The following RRN3 variants were observed in gnomAD, a reference collection of about 807,000 sequenced individuals.
RRN3 encodes RNA polymerase I-specific transcription initiation factor RRN3.
Under a neutral mutation model 82.3 loss-of-function variants are expected in RRN3, and 38 were observed. The observed-to-expected ratio is 0.46, with a 90% confidence interval of 0.36 to 0.61. The LOEUF is 0.61. RRN3 is among the 20% of genes least tolerant of loss of function. The pLI, the probability that RRN3 is intolerant of heterozygous loss-of-function variation, is 0.00. For synonymous variants in RRN3, 284 were observed against 284.3 expected (o/e 1.00, Z 0.01); for missense variants, 726 against 793.1 (o/e 0.92, Z 1.02).
rs1292835318 is a variant in RRN3 at position 15,076,592 on chromosome 16, C to A, written c.824G>T (p.Gly275Val). ...CAATCCTTCCGTGGAATCTGTCCCA[C>A]CACAAGTTTGAGTTGCTGTTTCTTC... ...DAEETATQTC[G>V]GTDSTEGLFN... is the part of the protein sequence containing the mutation. The change falls in exon 10 of 18, where the codon GGT becomes GTT. Residue 275 changes from glycine to valine, a missense_variant. Gly to Val is a moderately radical substitution (Grantham distance 109). Around this residue, in one of 4 missense-constraint regions of RRN3, gnomAD observed 344 missense variants for 394.5 expected, o/e 0.87. Transcript: ENST00000198767. 2.9e-5 allele frequency: 47 copies of A among 1,613,248 alleles called. No homozygotes were observed. The highest frequency in any genetic ancestry group is 5.0e-5 in the Admixed American group (3 of 59,992).
At chr16:15,064,633 T>G (rs974302209) in intron 16 of RRN3, among the ~76,000 whole-genome samples, 6 of 152,150 alleles carry the variant, frequency 3.9e-5, no homozygotes, top group African/African-American at 1.4e-4. Flanking sequence ...TAAATAACAG[T>G]TTAAAGAAAA....
Position 15,061,738 on chromosome 16 carries a change from C to G in RRN3, c.*6G>C, listed in dbSNP as rs2044719583. 6.2e-7 allele frequency: 1 copy of G among 1,602,688 alleles called. No individual in the cohort carries two copies. The highest frequency in any genetic ancestry group is 1.3e-5 in the African/African-American group (1 of 74,782). ...AATGTCACATCTCAGTCACAAATTT[C>G]TGCCGTCAGAGGGGACTGGGTTGCA... On this transcript the variant is annotated 3_prime_UTR_variant, in exon 18 of 18. Coordinates refer to ENST00000198767, the MANE Select transcript of RRN3 (RefSeq NM_018427.5).
chr16:15,077,865 T>C (rs2045532059), intron 9 of RRN3, among the ~76,000 whole-genome samples: 1 of 152,068 alleles, frequency 6.6e-6, no homozygotes, highest in African/African-American at 2.4e-5. Flanking sequence ...AACATCTCTT[T>C]TTCTTCCCAG....
chr16:15,080,178 A>C, intron 8 of RRN3, 82 bp from the exon 9 acceptor site: 1 of 1,474,922 alleles, frequency 6.8e-7, no homozygotes, highest in Non-Finnish European at 9.0e-7. Flanking sequence ...CAATTACATG[A>C]CCTTTAGTTT....
At chr16:15,068,040 T>C (rs1236805731) in intron 15 of RRN3, 129 bp downstream of exon 15, 5 of 800,246 alleles carry the variant, frequency 6.2e-6, no homozygotes, top group East Asian at 2.7e-5. Context: ...AGATTACAGG[T>C]GTCAGCCACC....
rs551598899 is a variant in RRN3 at position 15,083,868 on chromosome 16, C to T, written c.597-286G>A. 22 of 302,582 alleles carry T rather than the reference C, an allele frequency of 7.3e-5. 1 individual carries two copies. The highest frequency in any genetic ancestry group is 6.9e-4 in the South Asian group (21 of 30,266). The allele number at this position is 302,582 out of a possible 1,614,324, so 18.7% of individuals were successfully genotyped here. ...AACAGCTGGGATTACAGGCATGCGC[C>T]ACCATGCCCAGCTAATTTTGTATTT... is the stretch of plus-strand genomic sequence containing the variant. On this transcript the variant is annotated intron_variant, in intron 7 of 17. Transcript: ENST00000198767.
rs1347327779 is a variant in RRN3, at chr16:15,060,557, A to C, written c.*1187T>G. 1 of 153,800 alleles carries C rather than the reference A, an allele frequency of 6.5e-6. No homozygotes were observed. The highest frequency in any genetic ancestry group is 6.5e-5 in the Admixed American group (1 of 15,302). 9.5% of individuals were successfully genotyped at this position (153,800 alleles called of 1,614,324 possible). On this transcript the variant is annotated 3_prime_UTR_variant, in exon 18 of 18. Transcript: ENST00000198767. ...TATGCTTAAAGATGGCCATTTTCAC[A>C]AGTAAACAAAAAAGTACACATGTAA...
intron 8 of RRN3, among the ~76,000 whole-genome samples, chr16:15,081,772 C>T (rs756362026): frequency 4.6e-5 from 7 of 152,140 alleles, no homozygotes; most frequent in Non-Finnish European, 1.0e-4. Flanking sequence ...AAAATGTACT[C>T]GTTTTCTTCT....
intron 13 of RRN3, 75 bp downstream of exon 13, chr16:15,071,046 T>A: frequency 7.5e-7 from 1 of 1,331,404 alleles, no homozygotes; most frequent in East Asian, 2.4e-5. Context: ...ATGGGAGATA[T>A]TTCTGACTTG....
rs1386801661 is a variant in RRN3, at chr16:15,074,800, A to G, written c.920T>C (p.Val307Ala). The G allele has an allele frequency of 1.2e-6, 2 of 1,613,972 alleles. No homozygotes were observed. The highest frequency in any genetic ancestry group is 1.7e-5 in the Admixed American group (1 of 60,008). Residue 307 changes from valine to alanine, a missense_variant, in exon 11 of 18, where the codon GTG becomes GCG. This residue lies in a region of RRN3 where 344 missense variants were observed against 394.5 expected (regional missense o/e 0.87). Transcript: ENST00000198767. ...KAGPERLDQM[V>A]HPVAERLDIL... ...GTCCAGGCGCTCGGCTACAGGATGC[A>G]CCATCTGGTCGAGCCGTTCAGGACC...
chr16:15,094,157 G>T lies in RRN3; in HGVS notation c.77C>A (p.Ala26Glu), dbSNP rs780076230. 2.5e-6 allele frequency: 4 copies of T among 1,599,810 alleles called. No individual in the cohort carries two copies. The highest frequency in any genetic ancestry group is 3.4e-6 in the Non-Finnish European group (4 of 1,173,298). The stretch of plus-strand genomic sequence containing the variant: ...GCCTGAATCTTACCCAGTCCTCGAC[G>T]CGCCCAGCTTCTTAACTGCAGAGGA... The part of the protein sequence containing the change: ...ASSSAVKKLG[A>E]SRTGISNMRA... The change falls in exon 1 of 18, where the codon GCG becomes GAG. Residue 26 changes from alanine (A) to glutamate (E), a missense_variant. Ala to Glu is a moderately radical substitution (Grantham distance 107). Transcript: ENST00000198767.
chr16:15,092,135 C>T (rs1263148502), intron 2 of RRN3, among the ~76,000 whole-genome samples: 2 of 152,142 alleles, frequency 1.3e-5, no homozygotes, highest in African/African-American at 2.4e-5. Context: ...GCCGAGGTCA[C>T]GCCACTGCAC....
chr16:15,083,418 A>G (rs1215082980), intron 8 of RRN3, 95 bp downstream of exon 8: 2 of 1,544,920 alleles, frequency 1.3e-6, no homozygotes, highest in Non-Finnish European at 1.7e-6. Flanking sequence ...AAAGAAAAAG[A>G]AAGACTGGAA....
rs1382306449 is a variant in RRN3 at position 15,077,066 on chromosome 16, G to C, written c.766-416C>G. ...AAGATCTCGGCTCACCGCAAACTCC[G>C]CCCCCCAGGTTCAAGAGATTCTCCT... On this transcript the variant is annotated intron_variant, in intron 9 of 17. Transcript: ENST00000198767. Among the ~76,000 whole-genome samples the C allele has an allele frequency of 5.4e-5, 8 of 149,120 alleles. No homozygotes were observed. The East Asian group carries it at 1.6e-3, about 29-fold the overall frequency.
intron 10 of RRN3, 145 bp from the exon 11 acceptor site, chr16:15,075,006 T>C (rs549035840): frequency 1.2e-6 from 1 of 806,790 alleles, no homozygotes; most frequent in East Asian, 2.8e-5. Context: ...GCCCAGCACT[T>C]TGGGAAGCAG....
At position 15,085,578 on chromosome 16, in the gene RRN3, A is replaced by G. The variant is rs1185283677; in HGVS notation, c.532+61T>C. The G allele has an allele frequency of 4.4e-6, 7 of 1,589,238 alleles. No homozygotes were observed. The Admixed American group carries it at 1.1e-4, about 24-fold the overall frequency. On this transcript the variant is annotated intron_variant, in intron 6 of 17. Transcript: ENST00000198767. ...AGTGATCCTCCCGTCTTGGCTTCCCAAAGTGCTGGGATTATGGGTGAAAGC... is the reference window on the plus strand; with the variant it reads ...AGTGATCCTCCCGTCTTGGCTTCCCGAAGTGCTGGGATTATGGGTGAAAGC...
At chr16:15,062,996 A>G (rs1351490871) in intron 17 of RRN3, among the ~76,000 whole-genome samples, 200 bp downstream of exon 17, 1 of 152,160 alleles carries the variant, frequency 6.6e-6, no homozygotes, top group African/African-American at 2.4e-5. Context: ...GGTGTGCACC[A>G]CCACGCCCAG....
At position 15,065,296 on chromosome 16, in the gene RRN3, G is replaced by T. The variant is rs773259277; in HGVS notation, c.1629C>A (p.Thr543=). 2 of 1,613,656 alleles carry T rather than the reference G, an allele frequency of 1.2e-6. No individual in the cohort carries two copies. The highest frequency in any genetic ancestry group is 8.5e-7 in the Non-Finnish European group (1 of 1,179,758). Residue 543 remains threonine (T), a synonymous_variant, in exon 16 of 18, where the codon ACC becomes ACA. Transcript: ENST00000198767. ...NRQMLPVIRS[T]AGGDSVQICT... is the part of the protein sequence containing the mutation. ...AGATCTGCACTGAGTCTCCTCCAGC[G>T]GTACTCCTAATGACTGGCAGCATCT... is the stretch of plus-strand genomic sequence containing the variant.
intron 9 of RRN3, among the ~76,000 whole-genome samples, chr16:15,078,819 T>C (rs184664813): frequency 0.11 from 15,870 of 149,916 alleles, 988 homozygotes; most frequent in East Asian, 0.23. Flanking sequence ...TTTCTTTTTT[T>C]TTTTTTTTTT....
Sources: gnomAD v4.1 joint callset for allele counts (sites outside exome capture counted in the v4.1 genomes callset) on GRCh38, gnomAD v4.1.1 for gene constraint, gnomAD v4.1.1 regional missense constraint, MANE v1.5 for transcripts, NCBI Gene and HGNC (gene_info 2026-07-23, HGNC 2026-07-21) for gene names.